Variants in HDAC4 observed in about 807,000 individuals in gnomAD.
HDAC4 encodes the protein histone deacetylase 4.
In HDAC4, 16 loss-of-function variants were observed where a neutral mutation model predicts 135.1. The ratio of observed to expected loss-of-function variants is 0.12; its 90% confidence interval spans 0.08 to 0.18. The LOEUF (loss-of-function observed/expected upper bound fraction) is 0.18. Among genes scored for constraint, HDAC4 ranks in the 10% least tolerant of loss-of-function variants. The pLI is 1.00. For synonymous variants in HDAC4, 685 were observed against 653.4 expected, an observed-to-expected ratio of 1.05 and a Z score of -0.74; for missense variants, 1,143 against 1,511.8, an observed-to-expected ratio of 0.76 and a Z score of 4.05.
chr2:239,237,834 C>T (rs1232969922), intron 2 of HDAC4, among the ~76,000 whole-genome samples: 1 of 152,120 alleles, frequency 6.6e-6, no homozygotes, highest in Non-Finnish European at 1.5e-5. Context: ...ATGAAGACAA[C>T]AACAAAAAAC....
chr2:239,191,972 T>C lies in HDAC4; in HGVS notation c.95-1895A>G, dbSNP rs190391505. On this transcript the variant is annotated intron_variant, in intron 3 of 26. Coordinates refer to ENST00000543185, the MANE Select transcript of HDAC4 (RefSeq NM_001378414.1). Reference sequence around the variant, plus strand: ...TATTGTTGTTTTTTAAATGAAATCCTCCTCTCTGACTGTTTCTGTTTCTTT... The same window carrying C: ...TATTGTTGTTTTTTAAATGAAATCCCCCTCTCTGACTGTTTCTGTTTCTTT... Among the ~76,000 whole-genome samples, 546 of 152,386 alleles carry C rather than the reference T, an allele frequency of 3.6e-3. 3 individuals are homozygous for C. The highest frequency in any genetic ancestry group is 5.0e-3 in the Non-Finnish European group (338 of 68,034).
At chr2:239,374,393 T>TGC (rs1694851382) in intron 1 of HDAC4, among the ~76,000 whole-genome samples, 1 of 16,048 alleles carries the variant, frequency 6.2e-5, no homozygotes, top group Non-Finnish European at 1.1e-4. Flanking sequence ...AGGCTTTTTT[T>TGC]TTTTTTTTTT....
At chr2:239,394,886 C>T (rs980439134) in intron 1 of HDAC4, among the ~76,000 whole-genome samples, 1 of 152,230 alleles carries the variant, frequency 6.6e-6, no homozygotes, top group African/African-American at 2.4e-5. Context: ...GCCCTCAGGG[C>T]CCCTCAATCC....
intron 8 of HDAC4, among the ~76,000 whole-genome samples, chr2:239,143,850 G>A (rs906457297): frequency 2.0e-5 from 3 of 152,220 alleles, no homozygotes; most frequent in East Asian, 1.9e-4. Flanking sequence ...ACTTTCTGTT[G>A]TGCAAACATG....
At position 239,137,783 on chromosome 2, in the gene HDAC4, G is replaced by A. The variant is rs563263941; in HGVS notation, c.978+1901C>T. On this transcript the variant is annotated intron_variant, in intron 9 of 26. Transcript: ENST00000543185. ...AGAGATACTGAAACCCAGAAAGGGC[G>A]CCTGGGTGTGATCCAACATGCAAAG... Among the ~76,000 whole-genome samples, 35 of 152,322 alleles carry A rather than the reference G, an allele frequency of 2.3e-4. No homozygotes were observed. The South Asian group carries it at 2.5e-3, about 11-fold the overall frequency.
intron 13 of HDAC4, among the ~76,000 whole-genome samples, chr2:239,112,785 C>A (rs577636835): frequency 4.6e-5 from 7 of 152,332 alleles, no homozygotes; most frequent in Non-Finnish European, 7.3e-5. Context: ...CTGCGCCAAT[C>A]CTGTCTTAGT....
At chr2:239,254,531 G>A (rs1017305582) in intron 2 of HDAC4, among the ~76,000 whole-genome samples, 1 of 151,770 alleles carries the variant, frequency 6.6e-6, no homozygotes, top group African/African-American at 2.4e-5. Context: ...TAATTGAGAA[G>A]AACAGATTAG....
chr2:239,335,508 C>CAAAAAAAATAAAAA, intron 2 of HDAC4, among the ~76,000 whole-genome samples: 1 of 59,384 alleles, frequency 1.7e-5, no homozygotes, highest in Non-Finnish European at 3.7e-5. Context: ...ATCTGTTCAG[C>CAAAAAAAATAAAAA]AAAAAAAAAA....
rs888836524 is a variant in HDAC4 at position 239,309,650 on chromosome 2, T to C, written c.22+43028A>G. Among the ~76,000 whole-genome samples, 2 of 152,196 alleles carry C rather than the reference T, an allele frequency of 1.3e-5. No individual in the cohort carries two copies. Among genetic ancestry groups the C allele is most frequent in the African/African-American group, 4.8e-5 (2 of 41,448 alleles). On this transcript the variant is annotated intron_variant, in intron 2 of 26. Transcript: ENST00000543185. The surrounding 1 kb of genome is among the most constrained non-coding windows in gnomAD (Gnocchi z 4.2). Reference sequence around the variant, plus strand: ...GCCAGCGAGGGGCCCAGGGAGAAGATGGAGGTCAAGTCATAGGGCCTCCAC... The same window carrying C: ...GCCAGCGAGGGGCCCAGGGAGAAGACGGAGGTCAAGTCATAGGGCCTCCAC...
chr2:239,348,601 G>A lies in HDAC4; in HGVS notation c.22+4077C>T, dbSNP rs564024890. 3.3e-5 allele frequency among the ~76,000 whole-genome samples: 5 copies of A among 152,370 alleles called. No individual in the cohort carries two copies. In the East Asian group the frequency reaches 7.7e-4, roughly 24 times the overall value. ...GCCAGCAGGCCCCCGTGGGCTTTCC[G>A]TCCACACTCCCGGTTTCATGCCAGG... On this transcript the variant is annotated intron_variant, in intron 2 of 26. Transcript: ENST00000543185.
chr2:239,073,661 C>T (rs1463169017), intron 22 of HDAC4, among the ~76,000 whole-genome samples: 1 of 152,256 alleles, frequency 6.6e-6, no homozygotes, highest in African/African-American at 2.4e-5. Flanking sequence ...TTCTCACCTA[C>T]TGGGACCCCA....
chr2:239,374,987 G>A (rs1228200832), intron 1 of HDAC4, among the ~76,000 whole-genome samples: 5 of 152,178 alleles, frequency 3.3e-5, no homozygotes, highest in African/African-American at 1.2e-4. Context: ...CCCAGGTGAG[G>A]GGTGACGCTG....
chr2:239,384,744 C>T (rs1270171080), intron 1 of HDAC4, among the ~76,000 whole-genome samples: 1 of 152,176 alleles, frequency 6.6e-6, no homozygotes, highest in African/African-American at 2.4e-5. Context: ...GCACCATATA[C>T]CCCACGGCTC....
At chr2:239,124,596 T>C (rs567828253) in intron 12 of HDAC4, among the ~76,000 whole-genome samples, 279 of 115,652 alleles carry the variant, frequency 2.4e-3, no homozygotes, top group Non-Finnish European at 3.6e-3. Context: ...CCGCACGTCA[T>C]TCCACGTTAT....
At chr2:239,239,826 C>T (rs1026204242) in intron 2 of HDAC4, among the ~76,000 whole-genome samples, 2 of 152,200 alleles carry the variant, frequency 1.3e-5, no homozygotes, top group African/African-American at 4.8e-5. Flanking sequence ...CTGCCTCTCG[C>T]GGAACAGGGC....
intron 2 of HDAC4, among the ~76,000 whole-genome samples, chr2:239,323,701 C>A (rs2053385382): frequency 6.6e-6 from 1 of 152,072 alleles, no homozygotes; most frequent in South Asian, 2.1e-4. Flanking sequence ...GAATTCATGT[C>A]TCCGCCCAAT....
chr2:239,151,930 G>A (rs985112973), intron 7 of HDAC4, among the ~76,000 whole-genome samples: 13 of 152,156 alleles, frequency 8.5e-5, no homozygotes, highest in African/African-American at 3.1e-4. Flanking sequence ...ACGGTTTTCA[G>A]TGCTCAGGCC....
chr2:239,224,079 C>T (rs2047114151), intron 3 of HDAC4, among the ~76,000 whole-genome samples: 1 of 152,172 alleles, frequency 6.6e-6, no homozygotes, highest in Admixed American at 6.5e-5. Flanking sequence ...CATCCCAGCG[C>T]AGGGTCTGCT....
At chr2:239,054,951 C>T in intron 24 of HDAC4, 118 bp from the exon 25 acceptor site, 1 of 768,566 alleles carries the variant, frequency 1.3e-6, no homozygotes, top group Admixed American at 1.9e-5. Flanking sequence ...GGTGCATTTG[C>T]CCACAGAGTA....
Sources: allele counts gnomAD v4.1 joint callset (sites outside exome capture counted in the v4.1 genomes callset), GRCh38; gene constraint gnomAD v4.1.1; non-coding constraint Gnocchi (gnomAD v3.1); transcripts MANE v1.5; gene names NCBI Gene and HGNC (gene_info 2026-07-23, HGNC 2026-07-21).